The following MSI2 variants were observed in gnomAD, a reference collection of about 807,000 sequenced individuals.
MSI2 encodes the protein musashi RNA binding protein 2.
In MSI2, 17 loss-of-function variants were observed where a neutral mutation model predicts 45.6. The observed-to-expected ratio is 0.37, with a 90% CI of 0.26 to 0.56. The LOEUF is 0.56. MSI2 is among the 20% of genes least tolerant of loss of function. The pLI, the probability that MSI2 is intolerant of heterozygous loss-of-function variation, is 0.77. For missense variants in MSI2, 293 were observed against 444.2 expected, an observed-to-expected ratio of 0.66 and a Z score of 3.06; for synonymous variants, 156 against 158.2, an observed-to-expected ratio of 0.99 and a Z score of 0.11.
chr17:57,377,142 G>C (rs112902431), intron 5 of MSI2, among the ~76,000 whole-genome samples: 1,707 of 152,162 alleles, frequency 0.011, 26 homozygotes, highest in African/African-American at 0.039. Flanking sequence ...GGATGGTCTC[G>C]ATCTCCTGAC....
At chr17:57,458,788 T>C (rs9911331) in intron 6 of MSI2, among the ~76,000 whole-genome samples, 145,947 of 152,320 alleles carry the variant, frequency 0.96, 69,984 homozygotes, top group Non-Finnish European at 0.98. Context: ...CAAGGTGGGA[T>C]ACAGGTGGGA....
rs546735433 is a variant in MSI2 at position 57,378,316 on chromosome 17, T to C, written c.313-23063T>C. Among the ~76,000 whole-genome samples, 5 of 152,132 alleles carry C rather than the reference T, an allele frequency of 3.3e-5. No individual in the cohort carries two copies. The East Asian group carries it at 9.7e-4, about 30-fold the overall frequency. On this transcript the variant is annotated intron_variant, in intron 5 of 13. Coordinates refer to ENST00000284073, the MANE Select transcript of MSI2 (RefSeq NM_138962.4). ...TCTCACTCTGTTGCCCAGGTTGGAG[T>C]GCAGTGATGTAATCTCGGCTCACTG...
intron 5 of MSI2, among the ~76,000 whole-genome samples, chr17:57,387,014 C>T (rs1279958881): frequency 1.3e-5 from 2 of 152,198 alleles, no homozygotes; most frequent in Admixed American, 1.3e-4. Context: ...TTTGCTGGGC[C>T]ATGTGTCTGA....
intron 5 of MSI2, among the ~76,000 whole-genome samples, chr17:57,371,902 A>G (rs2083426978): frequency 6.6e-6 from 1 of 151,230 alleles, no homozygotes; most frequent in South Asian, 2.1e-4. Context: ...AGGAGCTTAT[A>G]TATATGAGAT....
At chr17:57,620,360 A>C (rs1231113883) in intron 9 of MSI2, among the ~76,000 whole-genome samples, 1 of 152,240 alleles carries the variant, frequency 6.6e-6, no homozygotes, top group Non-Finnish European at 1.5e-5. Context: ...ATGTATGTTC[A>C]TGTACTCTTC....
chr17:57,639,739 C>T (rs1407804503), intron 10 of MSI2, among the ~76,000 whole-genome samples: 1 of 134,380 alleles, frequency 7.4e-6, no homozygotes, highest in Non-Finnish European at 1.7e-5. Context: ...GTGAGGCCAG[C>T]CCCACAGTTC....
chr17:57,439,968 G>C (rs1260407961), intron 6 of MSI2, among the ~76,000 whole-genome samples: 1 of 152,270 alleles, frequency 6.6e-6, no homozygotes, highest in South Asian at 2.1e-4. Flanking sequence ...GTCTGTTCTA[G>C]CTAAGATTCA....
intron 5 of MSI2, among the ~76,000 whole-genome samples, chr17:57,281,970 G>C (rs1308632273): frequency 1.3e-5 from 2 of 152,216 alleles, no homozygotes; most frequent in Non-Finnish European, 2.9e-5. Context: ...TATGTGCAGC[G>C]AGGTTGGAGT....
chr17:57,347,666 CT>C (rs1053266772), intron 5 of MSI2, among the ~76,000 whole-genome samples: 2 of 152,214 alleles, frequency 1.3e-5, no homozygotes, highest in African/African-American at 4.8e-5. Context: ...TTCTACCCCC[CT>C]GAAAGCAAAG....
chr17:57,623,142 G>A (rs979730446), intron 9 of MSI2, among the ~76,000 whole-genome samples: 4 of 152,296 alleles, frequency 2.6e-5, no homozygotes, highest in South Asian at 2.1e-4. Flanking sequence ...TAGCCTTCGC[G>A]TCCTTGCCTA....
intron 6 of MSI2, among the ~76,000 whole-genome samples, chr17:57,528,928 C>G (rs2086761626): frequency 1.3e-5 from 2 of 152,120 alleles, no homozygotes; most frequent in African/African-American, 4.8e-5. Context: ...TCACTAAAAA[C>G]AATTCACATG....
chr17:57,341,750 T>C (rs997308695), intron 5 of MSI2, among the ~76,000 whole-genome samples: 1 of 152,218 alleles, frequency 6.6e-6, no homozygotes, highest in South Asian at 2.1e-4. Flanking sequence ...AATCACCGCT[T>C]GTGGGCACCG....
chr17:57,465,176 C>T (rs1296962574), intron 6 of MSI2, among the ~76,000 whole-genome samples: 1 of 152,122 alleles, frequency 6.6e-6, no homozygotes, highest in Admixed American at 6.5e-5. Flanking sequence ...TAAATTAAAG[C>T]ACAGGCCGGG....
At chr17:57,321,653 T>C (rs1913353486) in intron 5 of MSI2, among the ~76,000 whole-genome samples, 1 of 152,110 alleles carries the variant, frequency 6.6e-6, no homozygotes, top group Non-Finnish European at 1.5e-5. Flanking sequence ...AAGAGGTGCC[T>C]GGGGACAAGG....
At chr17:57,555,691 G>T (rs1029780066) in intron 7 of MSI2, among the ~76,000 whole-genome samples, 3 of 152,162 alleles carry the variant, frequency 2.0e-5, no homozygotes, top group African/African-American at 7.2e-5. Flanking sequence ...ACCATATTCT[G>T]TTCCTCTTGG....
intron 7 of MSI2, among the ~76,000 whole-genome samples, chr17:57,536,032 C>T (rs1018206444): frequency 6.6e-6 from 1 of 151,190 alleles, no homozygotes; most frequent in Non-Finnish European, 1.5e-5. Flanking sequence ...CTTTTATGTA[C>T]GATGTATAAA....
chr17:57,357,778 G>A (rs1916540049), intron 5 of MSI2, among the ~76,000 whole-genome samples: 1 of 152,164 alleles, frequency 6.6e-6, no homozygotes, highest in Non-Finnish European at 1.5e-5. Context: ...GATTTGATCA[G>A]TAAATAGGAA....
intron 11 of MSI2, among the ~76,000 whole-genome samples, chr17:57,663,151 T>C (rs1482050485): frequency 6.6e-6 from 1 of 151,140 alleles, no homozygotes; most frequent in African/African-American, 2.5e-5. Context: ...TTGCTGGGGC[T>C]TTGCTCTGAG....
At chr17:57,699,967 A>G in the MSI2 span, among the ~76,000 whole-genome samples, 3 of 152,256 alleles carry the variant, frequency 2.0e-5, no homozygotes, top group African/African-American at 7.2e-5. Flanking sequence ...CTGATTAAAA[A>G]CTAGTTACAA....
Sources: allele counts gnomAD v4.1 joint callset (sites outside exome capture counted in the v4.1 genomes callset), GRCh38; gene constraint gnomAD v4.1.1; transcripts MANE v1.5; gene names NCBI Gene and HGNC (gene_info 2026-07-23, HGNC 2026-07-21).